ATRNL1: variants seen among roughly 807,000 people sequenced by gnomAD.
ATRNL1 encodes the protein attractin like 1, also known as attractin-like protein 1.
A neutral mutation model predicts 182.7 loss-of-function variants in ATRNL1; 95 were observed. The observed-to-expected ratio is 0.52, with a 90% CI of 0.44 to 0.62. ATRNL1 has a LOEUF of 0.62. ATRNL1 is among the 20% of genes least tolerant of loss of function. The pLI is 0.00. For missense variants in ATRNL1, 1,471 were observed against 1,679.5 expected, an observed-to-expected ratio of 0.88 and a Z score of 2.17; for synonymous variants, 576 against 568.3, an observed-to-expected ratio of 1.01 and a Z score of -0.19.
chr10:115,184,234 G>T (rs554771534), intron 8 of ATRNL1, among the ~76,000 whole-genome samples: 1 of 151,408 alleles, frequency 6.6e-6, no homozygotes, highest in East Asian at 1.9e-4. Context: ...GCTACTGTAT[G>T]AACATAATAA....
chr10:115,517,668 G>A lies in ATRNL1; in HGVS notation c.3655-1595G>A, dbSNP rs112248303. Among the ~76,000 whole-genome samples, 1,276 of 151,700 alleles carry A rather than the reference G, an allele frequency of 8.4e-3. 17 individuals are homozygous for A. The highest frequency in any genetic ancestry group is 0.028 in the African/African-American group (1,178 of 41,454). ...TCATTTAGGTATTTATCAACATTGC[G>A]TAAGGTTTCCTCCTATTCCAATTTG... is the stretch of plus-strand genomic sequence containing the variant. On this transcript the variant is annotated intron_variant, in intron 24 of 28. Coordinates refer to ENST00000355044, the MANE Select transcript of ATRNL1 (RefSeq NM_207303.4).
chr10:115,805,509 A>G (rs1203184228), intron 27 of ATRNL1, among the ~76,000 whole-genome samples: 4 of 152,114 alleles, frequency 2.6e-5, no homozygotes, highest in Non-Finnish European at 5.9e-5. Flanking sequence ...AACATTTACT[A>G]CTATTTCCAT....
In ATRNL1 at chr10:115,198,253, C is replaced by T. The variant is rs529852665; in HGVS notation, c.1349-17444C>T. 4.6e-5 allele frequency among the ~76,000 whole-genome samples: 7 copies of T among 152,144 alleles called. No homozygotes were observed. The East Asian group carries it at 1.4e-3, about 29-fold the overall frequency. ...CATTTTGGTTTTAATTTGCATTTTT[C>T]TGATGGTGAGTAATGTTGAACATTT... On this transcript the variant is annotated intron_variant, in intron 8 of 28. Transcript: ENST00000355044.
intron 15 of ATRNL1, among the ~76,000 whole-genome samples, chr10:115,294,339 G>C (rs1853073336): frequency 1.3e-5 from 2 of 152,106 alleles, no homozygotes; most frequent in Non-Finnish European, 2.9e-5. Flanking sequence ...AGAAGAAAGA[G>C]TAATTATTTT....
At chr10:115,853,407 G>A (rs1555101039) in intron 28 of ATRNL1, among the ~76,000 whole-genome samples, 1 of 152,116 alleles carries the variant, frequency 6.6e-6, no homozygotes, top group Non-Finnish European at 1.5e-5. Flanking sequence ...CCAGTGAGAG[G>A]TACATTTCCC....
At chr10:115,441,515 G>C (rs1485516702) in intron 21 of ATRNL1, among the ~76,000 whole-genome samples, 1 of 151,654 alleles carries the variant, frequency 6.6e-6, no homozygotes, top group Non-Finnish European at 1.5e-5. Flanking sequence ...CACCTTTTTA[G>C]TCTTTTTTAC....
intron 26 of ATRNL1, among the ~76,000 whole-genome samples, chr10:115,599,850 C>A (rs2804218): frequency 0.97 from 148,145 of 152,274 alleles, 72,224 homozygotes; most frequent in East Asian, 1. Flanking sequence ...TATACAATAA[C>A]GCAACTGATT....
At chr10:115,453,414 G>A (rs1410372609) in intron 21 of ATRNL1, among the ~76,000 whole-genome samples, 6 of 151,940 alleles carry the variant, frequency 3.9e-5, no homozygotes, top group African/African-American at 1.2e-4. Flanking sequence ...TTCCTTTTAT[G>A]TTTTGGATAT....
chr10:115,575,582 T>C (rs1393553138), intron 26 of ATRNL1, among the ~76,000 whole-genome samples: 1 of 152,184 alleles, frequency 6.6e-6, no homozygotes, highest in Non-Finnish European at 1.5e-5. Flanking sequence ...AACCTTTTTC[T>C]TTCTGCATGC....
chr10:115,114,561 T>TTAA (rs1844395623), intron 1 of ATRNL1, among the ~76,000 whole-genome samples: 4 of 152,004 alleles, frequency 2.6e-5, no homozygotes, highest in African/African-American at 9.7e-5. Flanking sequence ...AAATAACCCC[T>TTAA]ATTTAAACAT....
At chr10:115,754,506 G>A (rs1217021132) in intron 27 of ATRNL1, among the ~76,000 whole-genome samples, 1 of 152,056 alleles carries the variant, frequency 6.6e-6, no homozygotes, top group Admixed American at 6.6e-5. Flanking sequence ...TATTTCTGAG[G>A]CCTCCAGTTC....
At chr10:115,207,587 G>GA (rs1238249352) in intron 8 of ATRNL1, among the ~76,000 whole-genome samples, 2 of 150,064 alleles carry the variant, frequency 1.3e-5, no homozygotes, top group South Asian at 2.1e-4. Context: ...TTTCATTTTT[G>GA]AAAAAAAATT....
In ATRNL1 at chr10:115,917,098, A is replaced by T. The variant is rs531855033; in HGVS notation, c.4019-27560A>T. 3.3e-5 allele frequency among the ~76,000 whole-genome samples: 5 copies of T among 152,302 alleles called. No homozygotes were observed. The East Asian group carries it at 7.7e-4, about 24-fold the overall frequency. The stretch of plus-strand genomic sequence containing the variant: ...AATGCTGAACCTTGTCAGCGCTTTG[A>T]GATGGCGTCTAACTCTGACTGCCAC... On this transcript the variant is annotated intron_variant, in intron 28 of 28. Transcript: ENST00000355044.
At chr10:115,596,998 A>AG (rs398014861) in intron 26 of ATRNL1, among the ~76,000 whole-genome samples, 1 of 151,770 alleles carries the variant, frequency 6.6e-6, no homozygotes, top group Non-Finnish European at 1.5e-5. Flanking sequence ...GTTAAAAAAA[A>AG]TCCTTCACTG....
intron 18 of ATRNL1, among the ~76,000 whole-genome samples, chr10:115,324,236 C>T (rs1564914843): frequency 6.6e-6 from 1 of 151,888 alleles, no homozygotes; most frequent in Non-Finnish European, 1.5e-5. Context: ...GTCGGTAGGC[C>T]AAATCTGGTG....
chr10:115,315,457 C>G, intron 17 of ATRNL1, 61 bp from the exon 18 acceptor site: 1 of 1,168,486 alleles, frequency 8.6e-7, no homozygotes, highest in Non-Finnish European at 1.2e-6. Context: ...TTTTATTAGC[C>G]TATAATTCTG....
At chr10:115,774,099 C>A (rs1949059944) in intron 27 of ATRNL1, among the ~76,000 whole-genome samples, 1 of 152,070 alleles carries the variant, frequency 6.6e-6, no homozygotes, top group Non-Finnish European at 1.5e-5. Flanking sequence ...CCTAGAATAA[C>A]CAATAATTTC....
intron 27 of ATRNL1, among the ~76,000 whole-genome samples, chr10:115,753,110 T>C (rs77679203): frequency 6.6e-6 from 1 of 152,058 alleles, no homozygotes; most frequent in African/African-American, 2.4e-5. Flanking sequence ...TGAAATGGGA[T>C]GCACATATGG....
intron 27 of ATRNL1, among the ~76,000 whole-genome samples, chr10:115,824,300 CATAAGACCTAAAA>C (rs1173929387): frequency 6.6e-6 from 1 of 152,048 alleles, no homozygotes; most frequent in Non-Finnish European, 1.5e-5. Context: ...AAGACTTAAA[CATAAGACCTAAAA>C]CCATAGAAAC....
Sources: allele counts gnomAD v4.1 joint callset (sites outside exome capture counted in the v4.1 genomes callset), GRCh38; gene constraint gnomAD v4.1.1; transcripts MANE v1.5; gene names NCBI Gene and HGNC (gene_info 2026-07-23, HGNC 2026-07-21).